The following COL4A2 variants were observed in gnomAD, a reference collection of about 807,000 sequenced individuals.
The protein encoded by COL4A2 is collagen alpha-2(IV) chain.
In COL4A2, 99 loss-of-function variants were observed where a neutral mutation model predicts 200.2. That is an observed-to-expected ratio of 0.49 (90% confidence interval 0.42 to 0.58). The LOEUF (loss-of-function observed/expected upper bound fraction) is 0.58. COL4A2 is among the 20% of genes least tolerant of loss of function. The pLI, the probability that COL4A2 is intolerant of heterozygous loss-of-function variation, is 0.00. For missense variants in COL4A2, 1,950 were observed against 2,314.1 expected, an observed-to-expected ratio of 0.84 and a Z score of 3.23; for synonymous variants, 897 against 900.6, an observed-to-expected ratio of 1.00 and a Z score of 0.07.
chr13:110,386,172 C>T (rs1449455150), intron 4 of COL4A2, among the ~76,000 whole-genome samples: 1 of 152,192 alleles, frequency 6.6e-6, no homozygotes, highest in African/African-American at 2.4e-5. Context: ...ACCGTGGTTA[C>T]ATTGTGTGAC....
rs143131702 is a variant in COL4A2 at position 110,370,356 on chromosome 13, C to T, written c.180+12804C>T. On this transcript the variant is annotated intron_variant, in intron 4 of 47. Coordinates refer to ENST00000360467, the MANE Select transcript of COL4A2 (RefSeq NM_001846.4). ...TCGACTCAATGCAACCTCCGTCTCC[C>T]GGGTTCAAGCAATTCTCCTGCCTCA... Among the ~76,000 whole-genome samples, 1,102 of 152,166 alleles carry T rather than the reference C, an allele frequency of 7.2e-3. 5 individuals carry two copies. Among genetic ancestry groups the T allele is most frequent in the Non-Finnish European group, 9.8e-3 (663 of 67,992 alleles).
intron 30 of COL4A2, 103 bp from the exon 31 acceptor site, chr13:110,480,117 T>C: frequency 7.8e-7 from 1 of 1,274,832 alleles, no homozygotes; most frequent in Non-Finnish European, 1.1e-6. Flanking sequence ...ACTTTCCTTC[T>C]AAGGAGCTTT....
chr13:110,463,631 C>G lies in COL4A2; in HGVS notation c.1776+1247C>G, dbSNP rs1882120640. ...CACTGCAGCCTCGAACTTCTGGACTCAAGCCATCCTCCTGCCTCAACCTCC... is the reference window on the plus strand; with the variant it reads ...CACTGCAGCCTCGAACTTCTGGACTGAAGCCATCCTCCTGCCTCAACCTCC... On this transcript the variant is annotated intron_variant, in intron 24 of 47. Transcript: ENST00000360467. 2.0e-5 allele frequency among the ~76,000 whole-genome samples: 3 copies of G among 152,190 alleles called. No individual in the cohort carries two copies. The South Asian group carries it at 6.2e-4, about 32-fold the overall frequency.
In COL4A2 at chr13:110,489,890, A is replaced by G. The variant is rs1188626701; in HGVS notation, c.3346+105A>G. On this transcript the variant is annotated intron_variant, in intron 36 of 47. Coordinates refer to ENST00000360467, the MANE Select transcript of COL4A2 (RefSeq NM_001846.4). ...TCAAATTCAGTAACAACCAGAAAGC[A>G]CTTGATAGTGAATGAGGTCTTCAAG... is the stretch of plus-strand genomic sequence containing the variant. 4 of 1,224,802 alleles carry G rather than the reference A, an allele frequency of 3.3e-6. No individual in the cohort carries two copies. In the African/African-American group the frequency reaches 6.1e-5, roughly 19 times the overall value. The allele number at this position is 1,224,802 out of a possible 1,614,324, so 75.9% of individuals were successfully genotyped here. A position where few individuals can be genotyped will look rare whatever the true frequency, so the allele number is the denominator to read the frequency against.
chr13:110,485,054 G>A lies in COL4A2; in HGVS notation c.3025+27G>A, dbSNP rs758099957. ...TGAGGCTTCTGACCTGCAGCCAGGG[G>A]CCCCTAGTCCCTGCCGCCCCAGCCC... On this transcript the variant is annotated intron_variant, in intron 33 of 47. Transcript: ENST00000360467. 3.2e-6 allele frequency: 5 copies of A among 1,551,966 alleles called. No individual in the cohort carries two copies. The South Asian group carries it at 3.5e-5, about 11-fold the overall frequency.
Position 110,445,818 on chromosome 13 carries a change from C to A in COL4A2, c.958-11C>A. The A allele has an allele frequency of 6.2e-7, 1 of 1,614,134 alleles. No individual in the cohort carries two copies. ...AGAGACAAAAATTAAAAGCAAATAT[C>A]TTTCTTGCAGGGAAGCCGAGGCCTG... On this transcript the variant is annotated splice_polypyrimidine_tract_variant and intron_variant, in intron 16 of 47. Coordinates refer to ENST00000360467, the MANE Select transcript of COL4A2 (RefSeq NM_001846.4).
chr13:110,504,988 T>A (rs1178163606), intron 45 of COL4A2, among the ~76,000 whole-genome samples: 1 of 151,430 alleles, frequency 6.6e-6, no homozygotes, highest in Non-Finnish European at 1.5e-5. Context: ...AAAAAAAACC[T>A]CAAAATTTGT....
intron 4 of COL4A2, among the ~76,000 whole-genome samples, chr13:110,364,320 G>T (rs1346534448): frequency 2.6e-5 from 4 of 152,196 alleles, no homozygotes; most frequent in Admixed American, 6.5e-5. Flanking sequence ...ATCCAGCGCT[G>T]CAGGGGCTGT....
intron 4 of COL4A2, among the ~76,000 whole-genome samples, chr13:110,422,138 G>A (rs1007504931): frequency 2.0e-5 from 3 of 152,248 alleles, no homozygotes; most frequent in East Asian, 1.9e-4. Context: ...GAAGACAGCC[G>A]GCAGACACTA....
intron 4 of COL4A2, among the ~76,000 whole-genome samples, chr13:110,419,685 G>A (rs545887809): frequency 6.6e-6 from 1 of 152,324 alleles, no homozygotes; most frequent in African/African-American, 2.4e-5. Context: ...TTTTCAGACT[G>A]CAGCTTCCAA....
intron 8 of COL4A2, 153 bp downstream of exon 8, chr13:110,430,109 G>T: frequency 1.2e-6 from 1 of 801,614 alleles, no homozygotes; most frequent in Non-Finnish European, 1.8e-6. Flanking sequence ...TCTTACTTCC[G>T]ATCAGGATGT....
intron 16 of COL4A2, among the ~76,000 whole-genome samples, chr13:110,444,010 T>TC (rs1326590900): frequency 2.0e-5 from 3 of 152,104 alleles, no homozygotes; most frequent in African/African-American, 7.2e-5. Flanking sequence ...ACCCTCAGCC[T>TC]CCCCCGAGTC....
intron 4 of COL4A2, among the ~76,000 whole-genome samples, chr13:110,392,177 A>G (rs1383196590): frequency 1.3e-5 from 2 of 152,230 alleles, no homozygotes; most frequent in African/African-American, 4.8e-5. Flanking sequence ...TGAGAACTTA[A>G]GAGTAAAATA....
intron 4 of COL4A2, among the ~76,000 whole-genome samples, chr13:110,414,571 C>G (rs1482127715): frequency 6.6e-6 from 1 of 152,224 alleles, no homozygotes; most frequent in Non-Finnish European, 1.5e-5. Context: ...AGGTGACTCT[C>G]ACGCTGCCGA....
At position 110,506,463 on chromosome 13, in the gene COL4A2, G is replaced by A. The variant is rs767902568; in HGVS notation, c.4451G>A (p.Arg1484His). The A allele has an allele frequency of 3.7e-5, 60 of 1,612,708 alleles. No homozygotes were observed. Among genetic ancestry groups the A allele is most frequent in the Non-Finnish European group, 4.5e-5 (53 of 1,179,652 alleles). The change falls in exon 46 of 48, where the codon CGC (arginine) becomes CAC (histidine). Residue 1484 changes from arginine to histidine, a missense_variant. By Grantham distance (29) the Arg-to-His change is conservative (BLOSUM62 0). Around this residue, in one of 2 missense-constraint regions of COL4A2, gnomAD observed 1,385 missense variants for 1,720.5 expected, o/e 0.80. Coordinates refer to ENST00000360467, the MANE Select transcript of COL4A2 (RefSeq NM_001846.4). ...GSPGLPGMPG[R>H]SVSIGYLLVK... ...CCGGGCCTGCCGGGTATGCCAGGCCGCAGCGTCAGCATCGGCTACCTCCTG... is the reference window on the plus strand; with the variant it reads ...CCGGGCCTGCCGGGTATGCCAGGCCACAGCGTCAGCATCGGCTACCTCCTG...
chr13:110,332,356 G>A (rs986781578), intron 3 of COL4A2, among the ~76,000 whole-genome samples: 1 of 152,170 alleles, frequency 6.6e-6, no homozygotes, highest in Non-Finnish European at 1.5e-5. Flanking sequence ...AATGGAAAGG[G>A]CCATGGCAAA....
At chr13:110,460,587 G>A (rs944030522) in intron 22 of COL4A2, among the ~76,000 whole-genome samples, 4 of 152,284 alleles carry the variant, frequency 2.6e-5, no homozygotes, top group African/African-American at 4.8e-5. Context: ...AAGCACACAC[G>A]TCCACAGAAC....
At chr13:110,351,384 G>C (rs1391392023) in intron 3 of COL4A2, among the ~76,000 whole-genome samples, 1 of 152,110 alleles carries the variant, frequency 6.6e-6, no homozygotes, top group East Asian at 1.9e-4. Flanking sequence ...CTTCTCTCCT[G>C]CTTCTTTGCT....
At chr13:110,479,687 G>A (rs1181319648) in intron 30 of COL4A2, among the ~76,000 whole-genome samples, 1 of 152,210 alleles carries the variant, frequency 6.6e-6, no homozygotes. Context: ...GGCAGCCCTT[G>A]GACGGCTTGG....
Sources: allele counts gnomAD v4.1 joint callset (sites outside exome capture counted in the v4.1 genomes callset), GRCh38; gene constraint gnomAD v4.1.1; regional missense constraint gnomAD v4.1.1; transcripts MANE v1.5; gene names NCBI Gene and HGNC (gene_info 2026-07-23, HGNC 2026-07-21).